The following ERBB4 variants were observed in gnomAD, a reference collection of about 807,000 sequenced individuals.
ERBB4 encodes the protein receptor tyrosine-protein kinase erbB-4.
In ERBB4, 42 loss-of-function variants were observed where a neutral mutation model predicts 158.0. That is an observed-to-expected ratio of 0.27 (90% CI 0.21 to 0.34). The LOEUF (loss-of-function observed/expected upper bound fraction) is 0.34. Among genes scored for constraint, ERBB4 ranks in the 10% least tolerant of loss-of-function variants. The probability of loss-of-function intolerance (pLI) is 1.00; values close to 1 mark genes in which losing one functional copy is unlikely to be tolerated. For synonymous variants in ERBB4, 583 were observed against 558.7 expected (o/e 1.04, Z -0.61); for missense variants, 1,333 against 1,624.1 (o/e 0.82, Z 3.08).
At chr2:211,882,203 AT>A (rs982435339) in intron 3 of ERBB4, among the ~76,000 whole-genome samples, 18 of 152,184 alleles carry the variant, frequency 1.2e-4, no homozygotes, top group African/African-American at 3.6e-4. Flanking sequence ...CTTAAAAAAA[AT>A]AATAAAAAAA....
chr2:211,855,489 T>C (rs936514775), intron 3 of ERBB4, among the ~76,000 whole-genome samples: 4 of 152,210 alleles, frequency 2.6e-5, no homozygotes, highest in African/African-American at 7.2e-5. Context: ...CTACCAGTAA[T>C]TGATTTTTGT....
chr2:212,180,263 C>A (rs1376871035), intron 1 of ERBB4, among the ~76,000 whole-genome samples: 2 of 151,682 alleles, frequency 1.3e-5, no homozygotes, highest in African/African-American at 4.8e-5. Flanking sequence ...ATAAACTTCA[C>A]TAAATACATG....
intron 16 of ERBB4, among the ~76,000 whole-genome samples, chr2:211,633,673 TTTGACA>T (rs2070236641): frequency 1.3e-5 from 2 of 148,656 alleles, no homozygotes; most frequent in Non-Finnish European, 3.0e-5. Flanking sequence ...CTCTTATAAT[TTTGACA>T]TTCACTTTAA....
Position 211,705,380 on chromosome 2 carries a change from T to C in ERBB4, c.1136A>G (p.Asn379Ser), listed in dbSNP as rs768169870. The stretch of plus-strand genomic sequence containing the variant: ...CTCTGGGTCTATGGCTTCAATTGCA[T>C]TGTAAGGGTCCCTAGAAAATCAAGA... ...LVTGIHGDPY[N>S]AIEAIDPEKL... Residue 379 changes from asparagine (N) to serine (S), a missense_variant, in exon 10 of 28, where the codon AAT (asparagine) becomes AGT (serine). Physicochemically the swap from Asn to Ser is conservative, Grantham distance 46. This residue lies in a region of ERBB4 where 438 missense variants were observed against 586.9 expected (regional missense o/e 0.75). Coordinates refer to ENST00000342788, the MANE Select transcript of ERBB4 (RefSeq NM_005235.3). 2 of 1,609,858 alleles carry C rather than the reference T, an allele frequency of 1.2e-6. No homozygotes were observed. The highest frequency in any genetic ancestry group is 3.3e-5 in the Admixed American group (2 of 59,998).
chr2:211,772,808 GATATATATATATATATATAT>G (rs761544601), intron 4 of ERBB4, among the ~76,000 whole-genome samples: 1 of 37,728 alleles, frequency 2.7e-5, no homozygotes, highest in Non-Finnish European at 4.4e-5. Flanking sequence ...ACCATACTGG[GATATATATATATATATATAT>G]ATATATACAC....
intron 3 of ERBB4, among the ~76,000 whole-genome samples, chr2:211,801,113 G>C (rs190098749): frequency 1.6e-3 from 249 of 152,046 alleles, no homozygotes; most frequent in Non-Finnish European, 2.5e-3. Context: ...CCTATTATTT[G>C]TTGAGTAATT....
At chr2:211,807,907 G>T (rs1344867899) in intron 3 of ERBB4, among the ~76,000 whole-genome samples, 1 of 152,100 alleles carries the variant, frequency 6.6e-6, no homozygotes, top group East Asian at 1.9e-4. Context: ...CGTGTCTGTT[G>T]GCTGCATAAA....
chr2:212,401,745 A>G (rs977761249), intron 1 of ERBB4, among the ~76,000 whole-genome samples: 2 of 152,068 alleles, frequency 1.3e-5, no homozygotes, highest in African/African-American at 4.8e-5. Context: ...TCTCCTTGGC[A>G]ATCTATTACT....
intron 20 of ERBB4, among the ~76,000 whole-genome samples, chr2:211,504,672 T>G (rs1267840577): frequency 6.6e-6 from 1 of 151,976 alleles, no homozygotes; most frequent in Non-Finnish European, 1.5e-5. Flanking sequence ...GGAAGACCAA[T>G]GAGCTCCAAG....
At chr2:211,909,815 G>A (rs749783486) in intron 3 of ERBB4, among the ~76,000 whole-genome samples, 1 of 151,836 alleles carries the variant, frequency 6.6e-6, no homozygotes, top group Non-Finnish European at 1.5e-5. Context: ...GATGTGAGGA[G>A]AAGATAACTA....
chr2:212,115,212 T>C (rs1330590267), intron 2 of ERBB4, among the ~76,000 whole-genome samples: 1 of 152,074 alleles, frequency 6.6e-6, no homozygotes, highest in African/African-American at 2.4e-5. Context: ...TTTCTAAATG[T>C]GACAGTTTTC....
chr2:211,677,974 A>AATCAATG (rs2072152903), intron 13 of ERBB4, among the ~76,000 whole-genome samples: 2 of 152,180 alleles, frequency 1.3e-5, no homozygotes, highest in African/African-American at 2.4e-5. Flanking sequence ...CTAAAAATAC[A>AATCAATG]TTATAACATT....
intron 2 of ERBB4, among the ~76,000 whole-genome samples, chr2:212,038,254 C>A (rs1025273321): frequency 6.6e-6 from 1 of 151,760 alleles, no homozygotes; most frequent in Non-Finnish European, 1.5e-5. Context: ...ATATATTAGT[C>A]TCTTTATTTA....
intron 1 of ERBB4, among the ~76,000 whole-genome samples, chr2:212,255,807 T>C (rs964829650): frequency 2.0e-5 from 3 of 151,912 alleles, no homozygotes; most frequent in African/African-American, 7.3e-5. Context: ...ACTGGGTAGG[T>C]GCACATAGAA....
chr2:211,701,910 G>A, intron 12 of ERBB4, 57 bp downstream of exon 12: 2 of 1,315,976 alleles, frequency 1.5e-6, no homozygotes, highest in East Asian at 2.3e-5. Context: ...TTGGTCCAAA[G>A]AAGAATGGGA....
chr2:212,513,948 TACAGA>T (rs1457412946), intron 1 of ERBB4, among the ~76,000 whole-genome samples: 3 of 152,172 alleles, frequency 2.0e-5, no homozygotes, highest in Non-Finnish European at 2.9e-5. Context: ...CACTCCAAAA[TACAGA>T]CCACTTTCCA....
chr2:212,073,875 A>G (rs192488616), intron 2 of ERBB4, among the ~76,000 whole-genome samples: 1 of 152,160 alleles, frequency 6.6e-6, no homozygotes, highest in East Asian at 1.9e-4. Context: ...TTATGTGAAA[A>G]TATGTTTAAC....
intron 2 of ERBB4, among the ~76,000 whole-genome samples, chr2:212,001,467 C>T (rs1000753585): frequency 6.6e-6 from 1 of 152,100 alleles, no homozygotes. Context: ...TAATCAATGT[C>T]ACTTGTGCTA....
chr2:211,649,868 T>C (rs2105878818), intron 16 of ERBB4, among the ~76,000 whole-genome samples: 1 of 152,076 alleles, frequency 6.6e-6, no homozygotes, highest in East Asian at 1.9e-4. Flanking sequence ...TAAGGGTAGA[T>C]GATGGCAGAG....
Sources: gnomAD v4.1 joint callset for allele counts (sites outside exome capture counted in the v4.1 genomes callset) on GRCh38, gnomAD v4.1.1 for gene constraint, gnomAD v4.1.1 regional missense constraint, MANE v1.5 for transcripts, NCBI Gene and HGNC (gene_info 2026-07-23, HGNC 2026-07-21) for gene names.